Variants in CLRN3 observed in about 807,000 individuals in gnomAD.
CLRN3 encodes clarin 3, also known as clarin-3.
CLRN3 carries 12 observed loss-of-function variants against 16.7 expected under a neutral mutation model. That is an observed-to-expected ratio of 0.72 (90% CI 0.46 to 1.16). The LOEUF (loss-of-function observed/expected upper bound fraction) is 1.16. CLRN3 is among the 50% of genes most tolerant of loss of function. The probability of loss-of-function intolerance (pLI) is 0.00; values close to 1 mark genes in which losing one functional copy is unlikely to be tolerated. For synonymous variants in CLRN3, 118 were observed against 113.0 expected (o/e 1.04, Z -0.28); for missense variants, 296 against 274.2 (o/e 1.08, Z -0.56).
At chr10:127,882,706 T>C (rs1434508102) in intron 2 of CLRN3, among the ~76,000 whole-genome samples, 1 of 152,224 alleles carries the variant, frequency 6.6e-6, no homozygotes, top group African/African-American at 2.4e-5. Context: ...CGAGGCTTCC[T>C]GACATGTCTG....
In CLRN3 at chr10:127,883,866, A is replaced by G; in HGVS notation, c.239T>C (p.Ile80Thr). ...EPKKKFAVLE[I>T]LNNSSQKTLH... ...AGTTTTTTGGGAAGAATTATTCAGT[A>G]TCTCTAAAACTAAAACAATGTTTTG... The change falls in exon 2 of 3, where the codon ATA becomes ACA. Residue 80 changes from isoleucine (I) to threonine (T), a missense_variant. Ile to Thr is a moderately conservative substitution (Grantham distance 89). Coordinates refer to ENST00000368671, the MANE Select transcript of CLRN3 (RefSeq NM_152311.5). 1 of 1,614,196 alleles carries G rather than the reference A, an allele frequency of 6.2e-7. No individual in the cohort carries two copies. Among genetic ancestry groups the G allele is most frequent in the Non-Finnish European group, 8.5e-7 (1 of 1,179,998 alleles).
Position 127,878,291 on chromosome 10 carries a change from G to GAGC in CLRN3, c.538_539insGCT (p.Tyr179_Ser180insCys). Reference sequence around the variant, plus strand: ...AATGACGAGCAGTATGAGCCAGAACGAGTATCCGTAACTGTGGGTCGTTCC... The same window carrying GAGC: ...AATGACGAGCAGTATGAGCCAGAACGAGCAGTATCCGTAACTGTGGGTCGTTCC... On this transcript the variant is annotated inframe_insertion, in exon 3 of 3. Coordinates refer to ENST00000368671, the MANE Select transcript of CLRN3 (RefSeq NM_152311.5). 6.2e-7 allele frequency: 1 copy of GAGC among 1,614,182 alleles called. No homozygotes were observed. The highest frequency in any genetic ancestry group is 8.5e-7 in the Non-Finnish European group (1 of 1,180,034).
At chr10:127,889,373 C>T (rs1378729566) in intron 1 of CLRN3, among the ~76,000 whole-genome samples, 4 of 152,064 alleles carry the variant, frequency 2.6e-5, no homozygotes, top group African/African-American at 7.2e-5. Flanking sequence ...CCTGTAATTC[C>T]AGCACTTTGG....
intron 1 of CLRN3, among the ~76,000 whole-genome samples, chr10:127,890,772 G>A (rs1047753887): frequency 2.0e-5 from 3 of 151,870 alleles, no homozygotes; most frequent in African/African-American, 4.9e-5. Flanking sequence ...GAAGCATCCC[G>A]GGATCGTTAG....
At chr10:127,883,639 T>C (rs942031674) in intron 2 of CLRN3, 57 bp downstream of exon 2, 56 of 1,237,354 alleles carry the variant, frequency 4.5e-5, no homozygotes, top group Non-Finnish European at 6.5e-5. Flanking sequence ...GGCAGAGACA[T>C]GGGGACAAGC....
At chr10:127,886,901 G>T (rs974752544) in intron 1 of CLRN3, among the ~76,000 whole-genome samples, 1 of 152,192 alleles carries the variant, frequency 6.6e-6, no homozygotes, top group African/African-American at 2.4e-5. Context: ...CCAGGGAAGG[G>T]CTCTAGCGGG....
Position 127,878,104 on chromosome 10 carries a change from G to A in CLRN3, c.*45C>T. ...AGAAGCTAACCAGTTACTACTCAGG[G>A]CTGATGTACAATAGATGCAACGCCA... On this transcript the variant is annotated 3_prime_UTR_variant, in exon 3 of 3. Coordinates refer to ENST00000368671, the MANE Select transcript of CLRN3 (RefSeq NM_152311.5). The A allele has an allele frequency of 6.3e-7, 1 of 1,597,316 alleles. No homozygotes were observed. Among genetic ancestry groups the A allele is most frequent in the Non-Finnish European group, 8.6e-7 (1 of 1,168,266 alleles).
At chr10:127,890,958 G>A (rs1023842357) in intron 1 of CLRN3, among the ~76,000 whole-genome samples, 2 of 152,176 alleles carry the variant, frequency 1.3e-5, no homozygotes, top group Non-Finnish European at 2.9e-5. Context: ...TCATTAATTG[G>A]GTGGTGGTTC....
intron 1 of CLRN3, among the ~76,000 whole-genome samples, chr10:127,889,923 T>C (rs1487266656): frequency 6.6e-6 from 1 of 152,112 alleles, no homozygotes; most frequent in Non-Finnish European, 1.5e-5. Context: ...GTGTCCACAG[T>C]GTGAGCTTAC....
rs373929702 is a variant in CLRN3, at chr10:127,891,738, G to C, written c.229+818C>G. On this transcript the variant is annotated intron_variant, in intron 1 of 2. Coordinates refer to ENST00000368671, the MANE Select transcript of CLRN3 (RefSeq NM_152311.5). Reference sequence around the variant, plus strand: ...CTAAACATTACATGTGTATAAGGTAGAAAATGATGCATATTTATAAGTCAA... The same window carrying C: ...CTAAACATTACATGTGTATAAGGTACAAAATGATGCATATTTATAAGTCAA... Among the ~76,000 whole-genome samples the C allele has an allele frequency of 1.3e-4, 20 of 152,290 alleles. No homozygotes were observed. In the East Asian group the frequency reaches 1.7e-3, roughly 13 times the overall value.
chr10:127,891,606 G>A (rs1591263375), intron 1 of CLRN3, among the ~76,000 whole-genome samples: 2 of 152,200 alleles, frequency 1.3e-5, no homozygotes, highest in Admixed American at 1.3e-4. Flanking sequence ...TAACCAGGTT[G>A]CTTTGGATTT....
At chr10:127,884,157 C>T (rs1291442702) in intron 1 of CLRN3, among the ~76,000 whole-genome samples, 5 of 152,214 alleles carry the variant, frequency 3.3e-5, no homozygotes, top group Admixed American at 2.6e-4. Context: ...TCCTGGATAC[C>T]GGCAGCAGGG....
In CLRN3 at chr10:127,878,516, A is replaced by T. The variant is rs546703067; in HGVS notation, c.410-96T>A. On this transcript the variant is annotated intron_variant, in intron 2 of 2. Coordinates refer to ENST00000368671, the MANE Select transcript of CLRN3 (RefSeq NM_152311.5). Reference sequence around the variant, plus strand: ...ACATATATATGGGAATGTATTGCATATCTACACAGGAGTTTACACTCTTTT... The same window carrying T: ...ACATATATATGGGAATGTATTGCATTTCTACACAGGAGTTTACACTCTTTT... 5.3e-6 allele frequency: 8 copies of T among 1,510,334 alleles called. No individual in the cohort carries two copies. In the South Asian group the frequency reaches 7.6e-5, roughly 14 times the overall value. 93.6% of individuals were successfully genotyped at this position (1,510,334 alleles called of 1,614,324 possible). A position where few individuals can be genotyped will look rare whatever the true frequency, so the allele number is the denominator to read the frequency against.
At position 127,884,043 on chromosome 10, in the gene CLRN3, T is replaced by G. The variant is rs1315539907; in HGVS notation, c.230-168A>C. On this transcript the variant is annotated intron_variant, in intron 1 of 2. Coordinates refer to ENST00000368671, the MANE Select transcript of CLRN3 (RefSeq NM_152311.5). ...CAAGAACAAGACCCGCATTCCCCACTGGAGGCTGGTTGTTGAATCAGTGGT... is the reference window on the plus strand; with the variant it reads ...CAAGAACAAGACCCGCATTCCCCACGGGAGGCTGGTTGTTGAATCAGTGGT... 7.5e-5 allele frequency: 49 copies of G among 655,498 alleles called. No homozygotes were observed. In the East Asian group the frequency reaches 1.3e-3, roughly 18 times the overall value. The allele number at this position is 655,498 out of a possible 1,614,324, so 40.6% of individuals were successfully genotyped here. A position where few individuals can be genotyped will look rare whatever the true frequency, so the allele number is the denominator to read the frequency against.
chr10:127,887,002 C>G (rs904192004), intron 1 of CLRN3, among the ~76,000 whole-genome samples: 3 of 152,228 alleles, frequency 2.0e-5, no homozygotes, highest in East Asian at 1.9e-4. Flanking sequence ...ATGTGGCCAC[C>G]TGGGCTGGGA....
At chr10:127,885,755 T>C (rs1258891650) in intron 1 of CLRN3, among the ~76,000 whole-genome samples, 5 of 152,068 alleles carry the variant, frequency 3.3e-5, no homozygotes, top group Admixed American at 6.6e-5. Context: ...TCAGCTAATT[T>C]TTAAAATTTT....
rs1484206014 is a variant in CLRN3, at chr10:127,878,376, G to A, written c.454C>T (p.Gln152Ter). Residue 152 changes from glutamine to a stop codon, truncating the protein, a stop_gained, in exon 3 of 3, where the codon CAG becomes TAG. Transcript: ENST00000368671. LOFTEE classifies it low-confidence loss of function (END_TRUNC). ...VTMILFVANTQSNQLSEELFQ... is the reference protein window; with the variant it reads ...VTMILFVANT Reference sequence around the variant, plus strand: ...AACTCTTCGGAGAGTTGGTTGGACTGCGTGTTCGCCACAAACAGTATCATG... The same window carrying A: ...AACTCTTCGGAGAGTTGGTTGGACTACGTGTTCGCCACAAACAGTATCATG... The A allele has an allele frequency of 1.2e-6, 2 of 1,614,110 alleles. No individual in the cohort carries two copies. The highest frequency in any genetic ancestry group is 2.2e-5 in the East Asian group (1 of 44,898).
At chr10:127,881,900 G>A (rs943468639) in intron 2 of CLRN3, among the ~76,000 whole-genome samples, 5 of 152,330 alleles carry the variant, frequency 3.3e-5, no homozygotes, top group African/African-American at 1.2e-4. Context: ...CAGTCCTCAC[G>A]ACACAGGCCG....
intron 2 of CLRN3, among the ~76,000 whole-genome samples, chr10:127,879,070 TC>T (rs985314933): frequency 1.3e-5 from 2 of 152,164 alleles, no homozygotes; most frequent in African/African-American, 4.8e-5. Flanking sequence ...GTTTATGTCT[TC>T]CCTTTTTTAT....
Sources: allele counts gnomAD v4.1 joint callset (sites outside exome capture counted in the v4.1 genomes callset), GRCh38; gene constraint gnomAD v4.1.1; transcripts MANE v1.5; gene names NCBI Gene and HGNC (gene_info 2026-07-23, HGNC 2026-07-21).